The following KHDRBS3 variants were observed in gnomAD, a reference collection of about 807,000 sequenced individuals.
KHDRBS3 encodes the protein KH domain-containing, RNA-binding, signal transduction-associated protein 3.
Under a neutral mutation model 45.6 loss-of-function variants are expected in KHDRBS3, and 23 were observed. That is an observed-to-expected ratio of 0.50 (90% confidence interval 0.36 to 0.72). KHDRBS3 has a LOEUF of 0.72. Ranked by LOEUF, KHDRBS3 falls within the 30% of genes least tolerant of loss-of-function variation. KHDRBS3 has a pLI of 0.00. For missense variants in KHDRBS3, 352 were observed against 424.8 expected, an observed-to-expected ratio of 0.83 and a Z score of 1.51; for synonymous variants, 162 against 156.5, an observed-to-expected ratio of 1.04 and a Z score of -0.26.
chr8:135,515,906 C>T (rs1014654201), intron 1 of KHDRBS3, among the ~76,000 whole-genome samples: 1 of 152,194 alleles, frequency 6.6e-6, no homozygotes, highest in African/African-American at 2.4e-5. Context: ...GTTTCTTATA[C>T]TGTCTTTTGT....
chr8:135,615,097 ATACT>A, intron 7 of KHDRBS3, among the ~76,000 whole-genome samples: 1 of 151,922 alleles, frequency 6.6e-6, no homozygotes, highest in African/African-American at 2.4e-5. Flanking sequence ...ACCTGATCAG[ATACT>A]GAGGGTGATC....
chr8:135,586,962 A>G (rs2130945177), intron 6 of KHDRBS3, among the ~76,000 whole-genome samples: 1 of 152,300 alleles, frequency 6.6e-6, no homozygotes, highest in South Asian at 2.1e-4. Context: ...ATACTCAGTG[A>G]TTTTCAGATT....
At chr8:135,541,598 A>G (rs191543899) in intron 2 of KHDRBS3, 151 of 152,242 alleles carry the variant, frequency 9.9e-4, no homozygotes, top group African/African-American at 2.9e-3. Context: ...TTGAGGAACA[A>G]TTTTCTCTCA....
Position 135,536,999 on chromosome 8 carries a change from G to GAAAAAAA in KHDRBS3, c.208-5654_208-5653insAAAAAAA, listed in dbSNP as rs1375807666. Among the ~76,000 whole-genome samples, 152 of 29,284 alleles carry GAAAAAAA rather than the reference G, an allele frequency of 5.2e-3. 4 individuals are homozygous for GAAAAAAA. Among genetic ancestry groups the GAAAAAAA allele is most frequent in the African/African-American group, 8.1e-3 (77 of 9,540 alleles). 19.2% of individuals were successfully genotyped at this position (29,284 alleles called of 152,430 possible). A position where few individuals can be genotyped will look rare whatever the true frequency, so the allele number is the denominator to read the frequency against. On this transcript the variant is annotated intron_variant, in intron 2 of 8. Coordinates refer to ENST00000355849, the MANE Select transcript of KHDRBS3 (RefSeq NM_006558.3). Reference sequence around the variant, plus strand: ...AAAAAAAAAAAAAAAAAAAAAAAAGGAGATGTTTAGGAGGTAAAATCATTA... The same window carrying GAAAAAAA: ...AAAAAAAAAAAAAAAAAAAAAAAAGGAAAAAAAAGATGTTTAGGAGGTAAAATCATTA...
At chr8:135,587,229 G>A (rs913039346) in intron 6 of KHDRBS3, among the ~76,000 whole-genome samples, 5 of 152,124 alleles carry the variant, frequency 3.3e-5, no homozygotes, top group African/African-American at 9.7e-5. Context: ...GTTCTTCATC[G>A]GAGTTACTGT....
chr8:135,651,804 T>C (rs1040744494), downstream of KHDRBS3, among the ~76,000 whole-genome samples: 1 of 152,216 alleles, frequency 6.6e-6, no homozygotes, highest in African/African-American at 2.4e-5. Flanking sequence ...TGAATGGTAT[T>C]GTCACTGTGA....
At chr8:135,608,198 T>C (rs1586797196) in intron 7 of KHDRBS3, among the ~76,000 whole-genome samples, 1 of 152,290 alleles carries the variant, frequency 6.6e-6, no homozygotes, top group Non-Finnish European at 1.5e-5. Context: ...AATTAAGTAA[T>C]TTGCCAGAAA....
At chr8:135,615,056 C>G (rs1253280274) in intron 7 of KHDRBS3, among the ~76,000 whole-genome samples, 1 of 151,726 alleles carries the variant, frequency 6.6e-6, no homozygotes, top group South Asian at 2.1e-4. Context: ...GTCAGACATC[C>G]CCTCCCCTGG....
chr8:135,618,504 A>G (rs1402796862), intron 7 of KHDRBS3, among the ~76,000 whole-genome samples: 1 of 152,208 alleles, frequency 6.6e-6, no homozygotes, highest in African/African-American at 2.4e-5. Flanking sequence ...AATGGTAACT[A>G]TATTTCTCTC....
intron 6 of KHDRBS3, among the ~76,000 whole-genome samples, chr8:135,603,853 G>A (rs181758406): frequency 1.2e-4 from 18 of 152,214 alleles, no homozygotes; most frequent in Non-Finnish European, 1.6e-4. Flanking sequence ...TGTTTCATGC[G>A]CAGTGGAGAA....
Position 135,647,077 on chromosome 8 carries a change from G to A in KHDRBS3, c.1034G>A (p.Arg345Lys), listed in dbSNP as rs761355096. Residue 345 changes from arginine (R) to lysine (K), a missense_variant, in exon 9 of 9, where the codon AGA (arginine) becomes AAA (lysine). Physicochemically the swap from Arg to Lys is conservative, Grantham distance 26. This residue lies in a region of KHDRBS3 where 212 missense variants were observed against 209.6 expected (regional missense o/e 1.01). Transcript: ENST00000355849. ...GTCTACAGAGACCAGCCATATGGCA[G>A]ATACTGATTGTACTGTCTGATGTTG... Reference protein sequence around the residue: ...KGVYRDQPYGRY With the variant: ...KGVYRDQPYGKY 25 of 1,576,822 alleles carry A rather than the reference G, an allele frequency of 1.6e-5. No homozygotes were observed. Among genetic ancestry groups the A allele is most frequent in the African/African-American group, 2.7e-5 (2 of 74,162 alleles).
chr8:135,494,445 C>T (rs979852560), intron 1 of KHDRBS3, among the ~76,000 whole-genome samples: 2 of 151,754 alleles, frequency 1.3e-5, no homozygotes, highest in Non-Finnish European at 2.9e-5. Context: ...CGCCCAGCTA[C>T]TTTTTTGCAT....
chr8:135,491,574 AC>A (rs1309534439), intron 1 of KHDRBS3, among the ~76,000 whole-genome samples: 1 of 152,186 alleles, frequency 6.6e-6, no homozygotes, highest in African/African-American at 2.4e-5. Context: ...GCCCTGGTTT[AC>A]AAAGCTAAGG....
intron 2 of KHDRBS3, among the ~76,000 whole-genome samples, chr8:135,523,058 T>A (rs1824998472): frequency 6.6e-6 from 1 of 152,224 alleles, no homozygotes; most frequent in South Asian, 2.1e-4. Context: ...TTGATTACTA[T>A]AGGCTTTTAC....
chr8:135,511,226 T>TA (rs1346170388), intron 1 of KHDRBS3, among the ~76,000 whole-genome samples: 2 of 152,234 alleles, frequency 1.3e-5, no homozygotes, highest in Admixed American at 6.5e-5. Flanking sequence ...TGTCTATAAA[T>TA]AGTCATCTCC....
chr8:135,615,602 ACTT>A (rs1316801193), intron 7 of KHDRBS3, among the ~76,000 whole-genome samples: 2 of 152,196 alleles, frequency 1.3e-5, no homozygotes, highest in Non-Finnish European at 2.9e-5. Flanking sequence ...ACATGGGCAG[ACTT>A]CTTAAAAAAT....
chr8:135,568,334 T>C (rs1827529928), intron 5 of KHDRBS3, among the ~76,000 whole-genome samples: 1 of 152,128 alleles, frequency 6.6e-6, no homozygotes, highest in African/African-American at 2.4e-5. Context: ...ATAGAGCTTT[T>C]TCAAAAAATA....
chr8:135,609,572 G>A (rs182626399), intron 7 of KHDRBS3, among the ~76,000 whole-genome samples: 12 of 148,974 alleles, frequency 8.1e-5, no homozygotes, highest in Admixed American at 5.3e-4. Context: ...TGGGATTACA[G>A]GTGTGAGCCA....
intron 1 of KHDRBS3, among the ~76,000 whole-genome samples, chr8:135,488,503 A>G (rs139656057): frequency 2.3e-3 from 345 of 152,320 alleles, no homozygotes; most frequent in African/African-American, 8.0e-3. Context: ...AAAAAAATTT[A>G]TGCTCTTATG....
Sources: allele counts gnomAD v4.1 joint callset (sites outside exome capture counted in the v4.1 genomes callset), GRCh38; gene constraint gnomAD v4.1.1; regional missense constraint gnomAD v4.1.1; transcripts MANE v1.5; gene names NCBI Gene and HGNC (gene_info 2026-07-23, HGNC 2026-07-21).